Variants in KCNT1 observed in about 807,000 individuals in gnomAD.
The protein encoded by KCNT1 is potassium channel subfamily T member 1.
KCNT1 carries 78 observed loss-of-function variants against 147.8 expected under a neutral mutation model. That is an observed-to-expected ratio of 0.53 (90% CI 0.44 to 0.64). The LOEUF is 0.64. KCNT1 is among the 30% of genes least tolerant of loss of function. The pLI is 0.00. For missense variants in KCNT1, 1,419 were observed against 1,750.3 expected (o/e 0.81, Z 3.38); for synonymous variants, 867 against 748.8 (o/e 1.16, Z -2.58).
In KCNT1 at chr9:135,761,832, CT is replaced by C. The variant is rs375127672; in HGVS notation, c.1035+1974del. On this transcript the variant is annotated intron_variant, in intron 11 of 30. Transcript: ENST00000371757. ...CAGGGCCAATGCGTCCCCCTTTCCCCTGTGGGCCCACGGCCCAGCCACACGC... is the reference window on the plus strand; with the variant it reads ...CAGGGCCAATGCGTCCCCCTTTCCCCGTGGGCCCACGGCCCAGCCACACGC... Among the ~76,000 whole-genome samples, 108 of 152,348 alleles carry C rather than the reference CT, an allele frequency of 7.1e-4. No individual in the cohort carries two copies. The East Asian group carries it at 0.017, about 24-fold the overall frequency.
chr9:135,765,150 T>C lies in KCNT1; in HGVS notation c.1155T>C (p.Leu385=), dbSNP rs756900818. ...VLCVSSLKID[L]LMDFLNEFYA... ...GTGTCAGCTCCCTCAAGATCGACCT[T>C]CTCATGGACTTCCTGAACGAGTTCT... is the stretch of plus-strand genomic sequence containing the variant. The change falls in exon 12 of 31, where the codon CTT becomes CTC. Residue 385 remains leucine, a synonymous_variant. Transcript: ENST00000371757. 6.2e-6 allele frequency: 10 copies of C among 1,613,376 alleles called. No homozygotes were observed. Among genetic ancestry groups the C allele is most frequent in the South Asian group, 1.1e-5 (1 of 91,072 alleles).
chr9:135,764,543 G>T (rs532876989), intron 11 of KCNT1, among the ~76,000 whole-genome samples: 3 of 152,296 alleles, frequency 2.0e-5, no homozygotes, highest in African/African-American at 7.2e-5. Flanking sequence ...TTTTGGATCT[G>T]TCCCCTTTGA....
intron 24 of KCNT1, among the ~76,000 whole-genome samples, chr9:135,782,869 C>T (rs1322707581): frequency 2.0e-5 from 3 of 152,238 alleles, no homozygotes; most frequent in Non-Finnish European, 2.9e-5. Flanking sequence ...GCCCCAAGAG[C>T]GGAAACGCCG....
intron 2 of KCNT1, among the ~76,000 whole-genome samples, chr9:135,747,582 C>G (rs533182221): frequency 6.6e-6 from 1 of 152,148 alleles, no homozygotes; most frequent in African/African-American, 2.4e-5. Context: ...GCGGACAGAC[C>G]CCCCAAAGAG....
At chr9:135,705,157 C>T (rs970544087) in intron 1 of KCNT1, among the ~76,000 whole-genome samples, 1 of 152,232 alleles carries the variant, frequency 6.6e-6, no homozygotes, top group African/African-American at 2.4e-5. Flanking sequence ...TGGGGCCTTG[C>T]TGTGGGGCCA....
intron 1 of KCNT1, among the ~76,000 whole-genome samples, chr9:135,711,781 A>C (rs926821259): frequency 3.9e-5 from 6 of 152,304 alleles, no homozygotes; most frequent in African/African-American, 1.4e-4. Flanking sequence ...CGGAGGGGGC[A>C]CGCTGGGCGC....
chr9:135,731,806 T>G (rs1836442989), intron 2 of KCNT1, among the ~76,000 whole-genome samples: 1 of 151,594 alleles, frequency 6.6e-6, no homozygotes, highest in Non-Finnish European at 1.5e-5. Context: ...TTCTGTCTTG[T>G]GCACCTGCAG....
intron 24 of KCNT1, 119 bp from the exon 25 acceptor site, chr9:135,783,905 G>GTGCACACAGGTATCA: frequency 1.4e-6 from 1 of 730,532 alleles, no homozygotes; most frequent in Non-Finnish European, 2.4e-6. Context: ...ATGCACAAAT[G>GTGCACACAGGTATCA]TGCACACAGG....
Position 135,788,720 on chromosome 9 carries a change from C to T in KCNT1, c.3502+2199C>T, listed in dbSNP as rs529103082. 5.3e-5 allele frequency among the ~76,000 whole-genome samples: 8 copies of T among 152,278 alleles called. No individual in the cohort carries two copies. In the East Asian group the frequency reaches 9.7e-4, roughly 18 times the overall value. The stretch of plus-strand genomic sequence containing the variant: ...CCCAGGCCAGGTGGATGGTGACCTT[C>T]GTCCCCCAGCTGGGGCTCCACGAGG... On this transcript the variant is annotated intron_variant, in intron 29 of 30. Transcript: ENST00000371757.
chr9:135,785,683 C>G, intron 28 of KCNT1: 3 of 527,764 alleles, frequency 5.7e-6, no homozygotes, highest in Non-Finnish European at 1.0e-5. Context: ...AGGTGCCACC[C>G]AGGTGGGATG....
At chr9:135,784,952 C>A in intron 27 of KCNT1, 63 bp downstream of exon 27, 1 of 1,574,884 alleles carries the variant, frequency 6.3e-7, no homozygotes, top group Non-Finnish European at 8.6e-7. Flanking sequence ...CCACAGCATC[C>A]CCACCTTCCG....
chr9:135,769,200 A>T (rs1481357988), intron 15 of KCNT1, among the ~76,000 whole-genome samples: 20 of 122,232 alleles, frequency 1.6e-4, no homozygotes, highest in African/African-American at 3.7e-4. Context: ...CACGTGGGTG[A>T]CAGTGCATCT....
Position 135,770,038 on chromosome 9 carries a change from G to A in KCNT1, c.1602G>A (p.Val534=), listed in dbSNP as rs2131505379. The stretch of plus-strand genomic sequence containing the variant: ...CCTCCACCCTCATCACCCTGCTGGT[G>A]CACACGTCCCGCGGCCAGTGAGTGC... The part of the protein sequence containing the change: ...PATSTLITLL[V]HTSRGQEGQE... The change falls in exon 16 of 31, where the codon GTG becomes GTA. Residue 534 remains valine (V), a synonymous_variant. Coordinates refer to ENST00000371757, the MANE Select transcript of KCNT1 (RefSeq NM_020822.3). The A allele has an allele frequency of 1.3e-6, 2 of 1,552,254 alleles. No homozygotes were observed. The highest frequency in any genetic ancestry group is 1.7e-6 in the Non-Finnish European group (2 of 1,148,254).
chr9:135,770,221 C>T (rs1283233786), intron 16 of KCNT1, 77 bp from the exon 17 acceptor site: 6 of 1,507,458 alleles, frequency 4.0e-6, no homozygotes, highest in Non-Finnish European at 5.4e-6. Context: ...CAGAGGGGGG[C>T]ACCTGCAGAC....
Position 135,786,621 on chromosome 9 carries a change from GTCC to G in KCNT1, c.3502+105_3502+107del, listed in dbSNP as rs145338757. ...GCCACGGCGTCCCGGGGCCCGGGCCGTCCTCCTGTCTGTCATCTGTCTGTCTGT... is the reference window on the plus strand; with the variant it reads ...GCCACGGCGTCCCGGGGCCCGGGCCGTCCTGTCTGTCATCTGTCTGTCTGT... On this transcript the variant is annotated intron_variant, in intron 29 of 30. Transcript: ENST00000371757. 5.8e-3 allele frequency: 6,455 copies of G among 1,114,268 alleles called. 33 individuals carry two copies. The highest frequency in any genetic ancestry group is 7.4e-3 in the Middle Eastern group (24 of 3,236). 69.0% of individuals were successfully genotyped at this position (1,114,268 alleles called of 1,614,324 possible).
intron 2 of KCNT1, among the ~76,000 whole-genome samples, chr9:135,745,882 G>A (rs1313374518): frequency 1.3e-5 from 2 of 152,228 alleles, no homozygotes; most frequent in African/African-American, 4.8e-5. Flanking sequence ...AGCCCTCCAG[G>A]CTACCAGTGT....
At chr9:135,753,754 A>T in intron 4 of KCNT1, 183 bp from the exon 5 acceptor site, 1 of 632,508 alleles carries the variant, frequency 1.6e-6, no homozygotes, top group Non-Finnish European at 2.9e-6. Context: ...GGATCTCCGC[A>T]GTAGGTGGGG....
chr9:135,753,077 G>GATGAGTGGATGGATGGAGGA (rs58761255), intron 4 of KCNT1, among the ~76,000 whole-genome samples: 36,913 of 145,322 alleles, frequency 0.25, 5,013 homozygotes, highest in Middle Eastern at 0.33. Context: ...GGGATGGATG[G>GATGAGTGGATGGATGGAGGA]ATGAGTGGAT....
intron 29 of KCNT1, among the ~76,000 whole-genome samples, chr9:135,788,810 G>T (rs1351594514): frequency 6.6e-6 from 1 of 152,218 alleles, no homozygotes; most frequent in Non-Finnish European, 1.5e-5. Context: ...AACATGCTGT[G>T]CCCCGTCAGT....
Sources: allele counts gnomAD v4.1 joint callset (sites outside exome capture counted in the v4.1 genomes callset), GRCh38; gene constraint gnomAD v4.1.1; transcripts MANE v1.5; gene names NCBI Gene and HGNC (gene_info 2026-07-23, HGNC 2026-07-21).